CLEC16A: variants seen among roughly 807,000 people sequenced by gnomAD.
CLEC16A encodes C-type lectin domain containing 16A, also known as protein CLEC16A.
In CLEC16A, 51 loss-of-function variants were observed where a neutral mutation model predicts 109.5. The observed-to-expected ratio is 0.47, with a 90% CI of 0.37 to 0.59. The LOEUF (loss-of-function observed/expected upper bound fraction) is 0.59. Ranked by LOEUF, CLEC16A falls within the 20% of genes least tolerant of loss-of-function variation. The pLI, the probability that CLEC16A is intolerant of heterozygous loss-of-function variation, is 0.00. For synonymous variants in CLEC16A, 673 were observed against 564.2 expected, an observed-to-expected ratio of 1.19 and a Z score of -2.73; for missense variants, 1,339 against 1,394.0, an observed-to-expected ratio of 0.96 and a Z score of 0.63.
chr16:11,067,186 TTTG>T (rs1438577702), intron 19 of CLEC16A, among the ~76,000 whole-genome samples: 10 of 126,656 alleles, frequency 7.9e-5, no homozygotes, highest in East Asian at 5.3e-4. Flanking sequence ...TTTGTTTGTT[TTTG>T]TTTTTTTTTT....
At chr16:10,992,281 C>T (rs1330768473) in intron 10 of CLEC16A, among the ~76,000 whole-genome samples, 3 of 152,032 alleles carry the variant, frequency 2.0e-5, no homozygotes, top group Admixed American at 2.0e-4. Flanking sequence ...CCATCCGCAT[C>T]CCTGCATCCC....
intron 16 of CLEC16A, among the ~76,000 whole-genome samples, chr16:11,046,471 G>A (rs974704181): frequency 6.0e-5 from 9 of 150,792 alleles, no homozygotes; most frequent in African/African-American, 1.7e-4. Context: ...CCAAGTGTGG[G>A]GTGTGTGTGT....
intron 9 of CLEC16A, 44 bp downstream of exon 9, chr16:10,979,426 C>T: frequency 6.4e-7 from 1 of 1,555,540 alleles, no homozygotes; most frequent in Middle Eastern, 1.7e-4. Flanking sequence ...ATTTGGGGTC[C>T]CTTGGCGTGC....
At chr16:11,070,094 G>A (rs559254811) in intron 19 of CLEC16A, among the ~76,000 whole-genome samples, 10 of 150,558 alleles carry the variant, frequency 6.6e-5, no homozygotes, top group Admixed American at 4.0e-4. Flanking sequence ...TTTTTGAGAC[G>A]GAGTCTCACC....
intron 17 of CLEC16A, chr16:11,048,287 C>G (rs1240591817): frequency 6.6e-6 from 1 of 152,290 alleles, no homozygotes; most frequent in African/African-American, 2.4e-5. Flanking sequence ...GTCTGTAGTG[C>G]CAGCACATGG....
chr16:11,013,726 T>C (rs970889711), intron 11 of CLEC16A, among the ~76,000 whole-genome samples: 11 of 151,968 alleles, frequency 7.2e-5, no homozygotes, highest in Admixed American at 2.0e-4. Flanking sequence ...GCCACCGCAC[T>C]CCAGCCTAGG....
At chr16:11,121,876 T>C (rs1213932584) in intron 20 of CLEC16A, among the ~76,000 whole-genome samples, 1 of 86,622 alleles carries the variant, frequency 1.2e-5, no homozygotes, top group African/African-American at 4.8e-5. Flanking sequence ...TGAGACCCTG[T>C]CTCAAAAAAA....
At chr16:11,015,332 TG>T (rs2045681267) in intron 11 of CLEC16A, among the ~76,000 whole-genome samples, 1 of 142,678 alleles carries the variant, frequency 7.0e-6, no homozygotes, top group South Asian at 2.3e-4. Context: ...ACACGGGGGT[TG>T]GGGGTGAGGA....
chr16:11,006,048 G>T (rs1373081572), intron 11 of CLEC16A, among the ~76,000 whole-genome samples: 1 of 152,162 alleles, frequency 6.6e-6, no homozygotes, highest in Non-Finnish European at 1.5e-5. Context: ...TAAGCAAAGA[G>T]GGTGTTTATT....
intron 22 of CLEC16A, among the ~76,000 whole-genome samples, chr16:11,164,776 G>A (rs943731223): frequency 6.6e-6 from 1 of 152,232 alleles, no homozygotes; most frequent in East Asian, 1.9e-4. Flanking sequence ...CAAGCAGGCA[G>A]CAGGTTGCAG....
intron 1 of CLEC16A, among the ~76,000 whole-genome samples, chr16:10,948,158 G>A (rs1369484530): frequency 6.6e-6 from 1 of 152,174 alleles, no homozygotes; most frequent in African/African-American, 2.4e-5. Flanking sequence ...CTCCCAAAGT[G>A]CTGGGATTAC....
chr16:11,134,484 G>A (rs144130195), intron 22 of CLEC16A, among the ~76,000 whole-genome samples: 33 of 152,246 alleles, frequency 2.2e-4, no homozygotes, highest in African/African-American at 7.7e-4. Flanking sequence ...GCTGAGATCT[G>A]TACCTCCCCT....
At position 10,959,693 on chromosome 16, in the gene CLEC16A, G is replaced by C. The variant is rs12923780; in HGVS notation, c.209+1783G>C. Among the ~76,000 whole-genome samples the C allele has an allele frequency of 3.0e-3, 460 of 151,352 alleles. 2 individuals carry two copies. The highest frequency in any genetic ancestry group is 5.2e-3 in the Non-Finnish European group (354 of 67,718). On this transcript the variant is annotated intron_variant, in intron 2 of 23. Transcript: ENST00000409790. ...AGGCATGAGCCACCGTGCCCAGCTG[G>C]AATTTTTTTTTTTTAAATATCTTTT...
At position 10,954,049 on chromosome 16, in the gene CLEC16A, T is replaced by C. The variant is rs2041868413; in HGVS notation, c.81-3733T>C. 1.3e-5 allele frequency among the ~76,000 whole-genome samples: 2 copies of C among 151,326 alleles called. No individual in the cohort carries two copies. Among genetic ancestry groups the C allele is most frequent in the Non-Finnish European group, 2.9e-5 (2 of 67,940 alleles). ...AAGATATTCAAACAGTCCATAAACA[T>C]ATATGAACAGGCACCCGGTTTCACT... On this transcript the variant is annotated intron_variant, in intron 1 of 23. Transcript: ENST00000409790. This position sits in a 1 kb window ranked among gnomAD's most constrained non-coding sequence, Gnocchi z 4.2.
chr16:11,026,942 TC>T, intron 13 of CLEC16A: 1 of 1,203,814 alleles, frequency 8.3e-7, no homozygotes, highest in Non-Finnish European at 1.2e-6. Flanking sequence ...AACAGACGTC[TC>T]TATGGTCAAG....
intron 10 of CLEC16A, among the ~76,000 whole-genome samples, chr16:10,993,071 GAA>G (rs1382184316): frequency 6.6e-6 from 1 of 152,094 alleles, no homozygotes; most frequent in Non-Finnish European, 1.5e-5. Flanking sequence ...TGGGTTGGTG[GAA>G]GAGAGGGACG....
At chr16:11,039,631 A>AT in intron 13 of CLEC16A, 123 bp from the exon 14 acceptor site, 2 of 1,162,936 alleles carry the variant, frequency 1.7e-6, no homozygotes, top group Non-Finnish European at 2.3e-6. Flanking sequence ...AAAAAGGAAA[A>AT]GAAATCACCA....
chr16:11,068,536 C>G (rs1214462250), intron 19 of CLEC16A, among the ~76,000 whole-genome samples: 1 of 152,174 alleles, frequency 6.6e-6, no homozygotes, highest in African/African-American at 2.4e-5. Flanking sequence ...AGCTACCTGC[C>G]CAACATTTCT....
rs1212337997 is a variant in CLEC16A at position 10,961,753 on chromosome 16, G to C, written c.210-702G>C. On this transcript the variant is annotated intron_variant, in intron 2 of 23. Coordinates refer to ENST00000409790, the MANE Select transcript of CLEC16A (RefSeq NM_015226.3). This position sits in a 1 kb window ranked among gnomAD's most constrained non-coding sequence, Gnocchi z 4.3. The stretch of plus-strand genomic sequence containing the variant: ...ACAATTTGGGAGCCACAGTACATTT[G>C]GTTGTCATATCTCCCCAGCCTCCTC... Among the ~76,000 whole-genome samples the C allele has an allele frequency of 6.6e-6, 1 of 152,118 alleles. No homozygotes were observed. Among genetic ancestry groups the C allele is most frequent in the Non-Finnish European group, 1.5e-5 (1 of 68,010 alleles).
Sources: allele counts gnomAD v4.1 joint callset (sites outside exome capture counted in the v4.1 genomes callset), GRCh38; gene constraint gnomAD v4.1.1; non-coding constraint Gnocchi (gnomAD v3.1); transcripts MANE v1.5; gene names NCBI Gene and HGNC (gene_info 2026-07-23, HGNC 2026-07-21).